The following KCNMA1 variants were observed in gnomAD, a reference collection of about 807,000 sequenced individuals.
KCNMA1 encodes Calcium-activated potassium channel subunit alpha-1.
Under a neutral mutation model 140.0 loss-of-function variants are expected in KCNMA1, and 29 were observed. The ratio of observed to expected loss-of-function variants is 0.21; its 90% CI spans 0.15 to 0.28. The LOEUF (loss-of-function observed/expected upper bound fraction) is 0.28. Among genes scored for constraint, KCNMA1 ranks in the 10% least tolerant of loss-of-function variants. The pLI, the probability that KCNMA1 is intolerant of heterozygous loss-of-function variation, is 1.00. For synonymous variants in KCNMA1, 612 were observed against 611.9 expected (o/e 1.00, Z 0.00); for missense variants, 880 against 1,602.2 (o/e 0.55, Z 7.70).
chr10:77,410,110 G>A (rs961883549), intron 1 of KCNMA1, among the ~76,000 whole-genome samples: 30 of 152,074 alleles, frequency 2.0e-4, no homozygotes, highest in African/African-American at 7.0e-4. Context: ...CAGAACGCAG[G>A]GCTCAACACT....
chr10:77,630,575 C>T (rs374884300), intron 1 of KCNMA1, among the ~76,000 whole-genome samples: 1 of 152,160 alleles, frequency 6.6e-6, no homozygotes, highest in East Asian at 1.9e-4. Context: ...AAACCTTCTG[C>T]TTCTCATCCC....
intron 14 of KCNMA1, among the ~76,000 whole-genome samples, chr10:77,059,237 G>A (rs1303953799): frequency 2.0e-5 from 3 of 151,544 alleles, no homozygotes; most frequent in Non-Finnish European, 4.4e-5. Context: ...AAAAATCTAG[G>A]CCCAAACCTA....
chr10:77,496,318 C>G (rs533791245), intron 1 of KCNMA1, among the ~76,000 whole-genome samples: 2 of 152,014 alleles, frequency 1.3e-5, no homozygotes, highest in Non-Finnish European at 2.9e-5. Flanking sequence ...AGGACAGGGC[C>G]GGGCACGGTG....
chr10:77,027,241 T>C (rs1407627580), intron 16 of KCNMA1, among the ~76,000 whole-genome samples: 2 of 152,196 alleles, frequency 1.3e-5, no homozygotes, highest in East Asian at 3.8e-4. Flanking sequence ...ATCAGTCTGA[T>C]TTGCACATAA....
intron 2 of KCNMA1, among the ~76,000 whole-genome samples, chr10:77,346,628 A>C (rs2092195584): frequency 6.6e-6 from 1 of 152,166 alleles, no homozygotes; most frequent in African/African-American, 2.4e-5. Flanking sequence ...CCTGTTGGAA[A>C]GTGTCTCTTC....
chr10:77,550,004 G>A (rs1443507884), intron 1 of KCNMA1, among the ~76,000 whole-genome samples: 1 of 152,210 alleles, frequency 6.6e-6, no homozygotes, highest in African/African-American at 2.4e-5. Context: ...AGAAGAGCAG[G>A]ATGCTAAGAA....
chr10:77,399,392 A>T (rs971371472), intron 2 of KCNMA1, among the ~76,000 whole-genome samples: 16 of 152,196 alleles, frequency 1.1e-4, no homozygotes, highest in Admixed American at 3.3e-4. Flanking sequence ...CAATTTTTTT[A>T]AAAAAAGCAA....
intron 5 of KCNMA1, among the ~76,000 whole-genome samples, chr10:77,167,019 C>T (rs2154091154): frequency 6.6e-6 from 1 of 152,182 alleles, no homozygotes; most frequent in Admixed American, 6.5e-5. Context: ...TAACTTGTCA[C>T]CCTAATGTTA....
At chr10:77,124,718 A>AT (rs765735725) in intron 5 of KCNMA1, among the ~76,000 whole-genome samples, 2 of 152,196 alleles carry the variant, frequency 1.3e-5, no homozygotes, top group Non-Finnish European at 2.9e-5. Context: ...GAAGTTCTCC[A>AT]TAGGTTAAAA....
At chr10:77,431,823 C>G (rs985816921) in intron 1 of KCNMA1, among the ~76,000 whole-genome samples, 1 of 151,950 alleles carries the variant, frequency 6.6e-6, no homozygotes, top group Non-Finnish European at 1.5e-5. Context: ...TGGTGAAACC[C>G]CATCTCTAAA....
chr10:77,040,483 G>T (rs1332037217), intron 14 of KCNMA1, among the ~76,000 whole-genome samples: 4 of 152,130 alleles, frequency 2.6e-5, no homozygotes, highest in Non-Finnish European at 5.9e-5. Context: ...ATGTATACCT[G>T]TTCATACAGA....
At chr10:76,876,376 A>T (rs1458435945), downstream of KCNMA1, 1 of 152,628 alleles carries the variant, frequency 6.6e-6, no homozygotes, top group Non-Finnish European at 1.5e-5. Context: ...AAGTTGAAAG[A>T]CTTGCTAAGT....
At chr10:77,099,630 C>T (rs1163672427) in intron 9 of KCNMA1, among the ~76,000 whole-genome samples, 1 of 151,280 alleles carries the variant, frequency 6.6e-6, no homozygotes. Context: ...AGGAGAATTG[C>T]TTGAATCTGG....
intron 1 of KCNMA1, among the ~76,000 whole-genome samples, chr10:77,421,185 C>T (rs905586065): frequency 3.9e-5 from 6 of 152,218 alleles, no homozygotes; most frequent in Admixed American, 6.5e-5. Context: ...TTTTCTAATT[C>T]AGGGATCTGC....
intron 13 of KCNMA1, chr10:77,077,994 C>T (rs2096451418): frequency 6.6e-6 from 1 of 152,224 alleles, no homozygotes; most frequent in South Asian, 2.1e-4. Context: ...GTCAGCCGTT[C>T]TGGATGGTGG....
chr10:76,890,705 C>T (rs1589646328), intron 26 of KCNMA1, among the ~76,000 whole-genome samples: 1 of 152,170 alleles, frequency 6.6e-6, no homozygotes, highest in East Asian at 1.9e-4. Flanking sequence ...CTTATGGCTG[C>T]ATCTCTTAAA....
intron 2 of KCNMA1, among the ~76,000 whole-genome samples, chr10:77,254,223 T>C (rs2060234879): frequency 2.3e-5 from 2 of 87,146 alleles, no homozygotes; most frequent in South Asian, 9.4e-4. Context: ...TGAAATATAC[T>C]CTTTTTTTTT....
intron 3 of KCNMA1, chr10:77,217,345 T>C (rs2048131648): frequency 1.4e-5 from 4 of 291,430 alleles, no homozygotes; most frequent in South Asian, 1.2e-4. Context: ...CTAAATTTTT[T>C]TCTAAGCCAA....
chr10:77,295,272 C>T (rs542733317), intron 2 of KCNMA1, among the ~76,000 whole-genome samples: 3 of 150,494 alleles, frequency 2.0e-5, no homozygotes, highest in South Asian at 2.1e-4. Flanking sequence ...ACTTGAATCC[C>T]GGAGGCAGAG....
Sources: gnomAD v4.1 joint callset for allele counts (sites outside exome capture counted in the v4.1 genomes callset) on GRCh38, gnomAD v4.1.1 for gene constraint, MANE v1.5 for transcripts, NCBI Gene and HGNC (gene_info 2026-07-23, HGNC 2026-07-21) for gene names.